CSMD3: variants seen among roughly 807,000 people sequenced by gnomAD.
CSMD3 encodes the protein CUB and sushi domain-containing protein 3.
CSMD3 carries 177 observed loss-of-function variants against 435.2 expected under a neutral mutation model. The observed-to-expected ratio is 0.41, with a 90% CI of 0.36 to 0.46. CSMD3 has a LOEUF of 0.46. Among genes scored for constraint, CSMD3 ranks in the 20% least tolerant of loss-of-function variants. The pLI, the probability that CSMD3 is intolerant of heterozygous loss-of-function variation, is 0.34. For synonymous variants in CSMD3, 1,656 were observed against 1,520.5 expected (o/e 1.09, Z -2.07); for missense variants, 4,265 against 4,504.6 (o/e 0.95, Z 1.52).
intron 12 of CSMD3, among the ~76,000 whole-genome samples, chr8:112,804,221 C>A (rs2079027155): frequency 6.6e-6 from 1 of 151,846 alleles, no homozygotes; most frequent in African/African-American, 2.4e-5. Flanking sequence ...GATGACTATC[C>A]AAATTCAAAT....
chr8:113,392,395 G>T (rs1404731231), intron 1 of CSMD3, among the ~76,000 whole-genome samples: 1 of 152,098 alleles, frequency 6.6e-6, no homozygotes, highest in Non-Finnish European at 1.5e-5. Flanking sequence ...CTACGATTCA[G>T]ACACAATTTA....
intron 32 of CSMD3, among the ~76,000 whole-genome samples, chr8:112,441,686 T>C (rs1220491059): frequency 6.6e-6 from 1 of 152,146 alleles, no homozygotes; most frequent in Non-Finnish European, 1.5e-5. Context: ...AATACATCCT[T>C]CTTCACAAGA....
intron 1 of CSMD3, among the ~76,000 whole-genome samples, chr8:113,406,335 T>G (rs889567170): frequency 6.6e-6 from 1 of 151,844 alleles, no homozygotes; most frequent in Non-Finnish European, 1.5e-5. Context: ...TAACACTAAT[T>G]TTATCTAGAA....
intron 1 of CSMD3, among the ~76,000 whole-genome samples, chr8:113,379,878 C>A (rs2094407683): frequency 6.6e-6 from 1 of 152,022 alleles, no homozygotes; most frequent in African/African-American, 2.4e-5. Context: ...TAGAGTACAC[C>A]CTTCCTGTTT....
At chr8:113,250,238 A>G (rs1031636018) in intron 3 of CSMD3, among the ~76,000 whole-genome samples, 2 of 152,066 alleles carry the variant, frequency 1.3e-5, no homozygotes, top group South Asian at 2.1e-4. Flanking sequence ...ATGGAGGTGG[A>G]AGAGGAATTC....
chr8:113,104,522 G>A (rs1031485012), intron 4 of CSMD3, among the ~76,000 whole-genome samples: 1 of 152,028 alleles, frequency 6.6e-6, no homozygotes, highest in African/African-American at 2.4e-5. Context: ...GCATTCTTGT[G>A]TTTAAAGAGA....
intron 4 of CSMD3, among the ~76,000 whole-genome samples, chr8:113,107,867 A>G (rs1388180264): frequency 3.9e-5 from 6 of 152,274 alleles, no homozygotes; most frequent in Admixed American, 2.0e-4. Context: ...TGTTCATATT[A>G]TATCTGTTAC....
At chr8:112,616,426 C>T (rs1833668092) in intron 22 of CSMD3, among the ~76,000 whole-genome samples, 2 of 152,010 alleles carry the variant, frequency 1.3e-5, no homozygotes, top group African/African-American at 4.8e-5. Context: ...GCACTCCTAC[C>T]ATGTGAGATA....
intron 14 of CSMD3, 61 bp downstream of exon 14, chr8:112,689,807 G>T: frequency 7.0e-7 from 1 of 1,434,574 alleles, no homozygotes; most frequent in South Asian, 1.2e-5. Flanking sequence ...AATTACAAAA[G>T]CAATTATATG....
chr8:113,248,013 T>C (rs1309971026), intron 3 of CSMD3, among the ~76,000 whole-genome samples: 1 of 152,056 alleles, frequency 6.6e-6, no homozygotes, highest in Non-Finnish European at 1.5e-5. Flanking sequence ...TTTAAAGAAG[T>C]TTAGAAAAAC....
intron 1 of CSMD3, among the ~76,000 whole-genome samples, chr8:113,369,576 A>G (rs1344639124): frequency 6.6e-6 from 1 of 151,998 alleles, no homozygotes. Flanking sequence ...ATGAAATTAA[A>G]TCAGTATGTC....
chr8:112,551,182 A>G (rs1827653317), intron 26 of CSMD3, among the ~76,000 whole-genome samples: 1 of 152,100 alleles, frequency 6.6e-6, no homozygotes, highest in African/African-American at 2.4e-5. Context: ...AATCTTCTAC[A>G]TGCTAGGCAC....
intron 1 of CSMD3, among the ~76,000 whole-genome samples, chr8:113,332,573 G>A (rs1250380891): frequency 2.6e-5 from 4 of 151,496 alleles, no homozygotes; most frequent in Non-Finnish European, 5.9e-5. Flanking sequence ...TTTAACGAGA[G>A]AAGCAAGACT....
chr8:112,360,721 G>A (rs998513827), intron 38 of CSMD3, among the ~76,000 whole-genome samples: 2 of 151,822 alleles, frequency 1.3e-5, no homozygotes, highest in African/African-American at 4.8e-5. Flanking sequence ...TAGAAGTACA[G>A]GAACATATTC....
At chr8:113,057,196 C>A (rs2088380049) in intron 5 of CSMD3, among the ~76,000 whole-genome samples, 1 of 152,064 alleles carries the variant, frequency 6.6e-6, no homozygotes, top group Non-Finnish European at 1.5e-5. Flanking sequence ...TTTTAACACT[C>A]ATAATGTTTT....
intron 27 of CSMD3, among the ~76,000 whole-genome samples, chr8:112,548,238 A>G (rs113634660): frequency 6.6e-6 from 1 of 151,982 alleles, no homozygotes; most frequent in Admixed American, 6.6e-5. Flanking sequence ...GCTTTCCTCC[A>G]TTTCTTCTCA....
chr8:113,088,308 C>T (rs1334817987), intron 5 of CSMD3, among the ~76,000 whole-genome samples: 1 of 151,358 alleles, frequency 6.6e-6, no homozygotes, highest in African/African-American at 2.4e-5. Context: ...GTGGCAATTC[C>T]TCAGGGATCT....
At chr8:113,016,381 G>T (rs1238829194) in intron 6 of CSMD3, among the ~76,000 whole-genome samples, 1 of 151,660 alleles carries the variant, frequency 6.6e-6, no homozygotes, top group Non-Finnish European at 1.5e-5. Context: ...CTTAAAGGTG[G>T]TTATATTTGG....
intron 13 of CSMD3, among the ~76,000 whole-genome samples, chr8:112,757,349 T>A (rs2077723609): frequency 6.6e-6 from 1 of 152,026 alleles, no homozygotes; most frequent in South Asian, 2.1e-4. Flanking sequence ...TGCAAATAAT[T>A]ATTGTGACGA....
Sources: gnomAD v4.1 joint callset for allele counts (sites outside exome capture counted in the v4.1 genomes callset) on GRCh38, gnomAD v4.1.1 for gene constraint, MANE v1.5 for transcripts, NCBI Gene and HGNC (gene_info 2026-07-23, HGNC 2026-07-21) for gene names.